The following SYT1 variants were observed in gnomAD, a reference collection of about 807,000 sequenced individuals.
SYT1 encodes synaptotagmin 1, also known as synaptotagmin-1.
In SYT1, 8 loss-of-function variants were observed where a neutral mutation model predicts 44.8. The ratio of observed to expected loss-of-function variants is 0.18; its 90% CI spans 0.10 to 0.32. The LOEUF (loss-of-function observed/expected upper bound fraction) is 0.32. SYT1 is among the 10% of genes least tolerant of loss of function. SYT1 has a pLI of 1.00. For synonymous variants in SYT1, 154 were observed against 188.8 expected, an observed-to-expected ratio of 0.82 and a Z score of 1.51; for missense variants, 286 against 509.3, an observed-to-expected ratio of 0.56 and a Z score of 4.22.
chr12:79,159,495 A>G (rs969647129), intron 3 of SYT1, among the ~76,000 whole-genome samples: 1 of 152,150 alleles, frequency 6.6e-6, no homozygotes, highest in Non-Finnish European at 1.5e-5. Flanking sequence ...GAGATAGACC[A>G]TGTTCATGTA....
rs190359855 is a variant in SYT1, at chr12:78,907,649, G to A, written c.-217+42540G>A. On this transcript the variant is annotated intron_variant, in intron 1 of 10. Coordinates refer to ENST00000261205, the MANE Select transcript of SYT1 (RefSeq NM_005639.3). Reference sequence around the variant, plus strand: ...CTCTTATGTACTGATGAAAGTATCCGAAGATGAGCTGTCTGAAACCAAAAT... The same window carrying A: ...CTCTTATGTACTGATGAAAGTATCCAAAGATGAGCTGTCTGAAACCAAAAT... Among the ~76,000 whole-genome samples, 15 of 152,082 alleles carry A rather than the reference G, an allele frequency of 9.9e-5. 1 individual carries two copies. The East Asian group carries it at 1.6e-3, about 16-fold the overall frequency.
intron 9 of SYT1, chr12:79,392,134 C>A (rs1356349693): frequency 6.6e-6 from 1 of 152,128 alleles, no homozygotes; most frequent in African/African-American, 2.4e-5. Flanking sequence ...GGGAGAGTAT[C>A]TTAATGACCA....
intron 3 of SYT1, among the ~76,000 whole-genome samples, chr12:79,137,157 G>A (rs1458780742): frequency 6.6e-6 from 1 of 151,556 alleles, no homozygotes; most frequent in African/African-American, 2.4e-5. Context: ...GTGCAATGGT[G>A]CAATCTCGGC....
At chr12:79,164,313 AT>A (rs1363301781) in intron 3 of SYT1, among the ~76,000 whole-genome samples, 2 of 152,094 alleles carry the variant, frequency 1.3e-5, no homozygotes, top group East Asian at 3.9e-4. Flanking sequence ...TAAAACTTCC[AT>A]TGTTCCACCA....
At chr12:79,119,837 T>C (rs1188227656) in intron 3 of SYT1, among the ~76,000 whole-genome samples, 3 of 152,170 alleles carry the variant, frequency 2.0e-5, no homozygotes, top group Non-Finnish European at 4.4e-5. Flanking sequence ...TTAAATAGCT[T>C]TATTCTCCCC....
chr12:79,258,935 T>G (rs986669689), intron 4 of SYT1, among the ~76,000 whole-genome samples: 1 of 152,154 alleles, frequency 6.6e-6, no homozygotes, highest in African/African-American at 2.4e-5. Flanking sequence ...GGATGACAAC[T>G]CTAAATGTTT....
intron 9 of SYT1, among the ~76,000 whole-genome samples, chr12:79,404,199 G>C (rs1262830317): frequency 1.3e-5 from 2 of 152,158 alleles, no homozygotes; most frequent in East Asian, 3.8e-4. Context: ...TCTAATTGCT[G>C]TCTGTCTGGT....
At chr12:78,920,544 T>C (rs1876924536) in intron 1 of SYT1, among the ~76,000 whole-genome samples, 2 of 139,582 alleles carry the variant, frequency 1.4e-5, no homozygotes, top group Non-Finnish European at 3.1e-5. Context: ...CCCACTTAGG[T>C]GCATGCATTT....
chr12:79,066,034 A>G (rs921206982), intron 3 of SYT1, among the ~76,000 whole-genome samples: 1 of 152,178 alleles, frequency 6.6e-6, no homozygotes, highest in South Asian at 2.1e-4. Context: ...GACCACACAC[A>G]TATATACCCA....
chr12:79,057,127 G>C (rs1174279481), intron 3 of SYT1, among the ~76,000 whole-genome samples: 2 of 151,814 alleles, frequency 1.3e-5, no homozygotes, highest in Admixed American at 6.6e-5. Context: ...TCCTTTCCTT[G>C]GAATTGAATC....
chr12:79,443,509 T>A (rs986181229), intron 9 of SYT1, among the ~76,000 whole-genome samples: 6 of 152,216 alleles, frequency 3.9e-5, no homozygotes, highest in African/African-American at 1.4e-4. Context: ...ACAGGGATAG[T>A]CTGTTGTGTT....
chr12:79,241,464 G>A (rs1244421486), intron 4 of SYT1, among the ~76,000 whole-genome samples: 8 of 152,020 alleles, frequency 5.3e-5, no homozygotes, highest in African/African-American at 1.9e-4. Flanking sequence ...TACAGATGGG[G>A]TTTCGCCATG....
intron 3 of SYT1, among the ~76,000 whole-genome samples, chr12:79,107,727 C>T (rs889895475): frequency 1.3e-5 from 2 of 151,806 alleles, no homozygotes; most frequent in African/African-American, 4.8e-5. Context: ...AATTTAGATA[C>T]AATATAAATA....
In SYT1 at chr12:79,220,289, T is replaced by G. The variant is rs190882948; in HGVS notation, c.166+2604T>G. On this transcript the variant is annotated intron_variant, in intron 4 of 10. Coordinates refer to ENST00000261205, the MANE Select transcript of SYT1 (RefSeq NM_005639.3). ...CTCCTTTTTTGTTTCTTATTTTATT[T>G]ATTTGAGTCTTCTCTCTTTTTTCTC... Among the ~76,000 whole-genome samples, 14 of 152,176 alleles carry G rather than the reference T, an allele frequency of 9.2e-5. No individual in the cohort carries two copies. The East Asian group carries it at 2.3e-3, about 25-fold the overall frequency.
At chr12:78,934,161 C>T (rs1166021381) in intron 1 of SYT1, among the ~76,000 whole-genome samples, 2 of 146,818 alleles carry the variant, frequency 1.4e-5, no homozygotes, top group African/African-American at 5.1e-5. Flanking sequence ...TGCGTGTGTA[C>T]ACACACACAC....
chr12:79,293,768 A>C (rs1879750036), intron 6 of SYT1, among the ~76,000 whole-genome samples: 1 of 152,218 alleles, frequency 6.6e-6, no homozygotes, highest in Admixed American at 6.5e-5. Flanking sequence ...TGTCATATTA[A>C]AAATAATTTT....
chr12:78,913,447 A>G (rs1876460848), intron 1 of SYT1, among the ~76,000 whole-genome samples: 1 of 151,570 alleles, frequency 6.6e-6, no homozygotes, highest in Non-Finnish European at 1.5e-5. Context: ...AAGGAACTTT[A>G]TATATTTTTT....
chr12:79,089,090 G>A (rs966169151), intron 3 of SYT1, among the ~76,000 whole-genome samples: 2 of 152,052 alleles, frequency 1.3e-5, no homozygotes, highest in Non-Finnish European at 1.5e-5. Flanking sequence ...AGAGATAAAA[G>A]AGAAAAGAAT....
chr12:79,004,681 G>T (rs1252994025), intron 2 of SYT1, among the ~76,000 whole-genome samples: 1 of 151,854 alleles, frequency 6.6e-6, no homozygotes, highest in Non-Finnish European at 1.5e-5. Context: ...GAAGACTCTA[G>T]ACCAATATTT....
Sources: allele counts gnomAD v4.1 joint callset (sites outside exome capture counted in the v4.1 genomes callset), GRCh38; gene constraint gnomAD v4.1.1; transcripts MANE v1.5; gene names NCBI Gene and HGNC (gene_info 2026-07-23, HGNC 2026-07-21).